Variants in PPP1R17 observed in about 807,000 individuals in gnomAD.
PPP1R17 encodes protein phosphatase 1 regulatory subunit 17.
A neutral mutation model predicts 15.9 loss-of-function variants in PPP1R17; 12 were observed. The observed-to-expected ratio is 0.75, with a 90% CI of 0.48 to 1.22. PPP1R17 has a LOEUF of 1.22. Ranked by LOEUF, PPP1R17 falls within the 50% of genes most tolerant of loss-of-function variation. The pLI, the probability that PPP1R17 is intolerant of heterozygous loss-of-function variation, is 0.00. For synonymous variants in PPP1R17, 63 were observed against 64.5 expected, an observed-to-expected ratio of 0.98 and a Z score of 0.11; for missense variants, 211 against 187.3, an observed-to-expected ratio of 1.13 and a Z score of -0.74.
chr7:31,694,961 C>A (rs1205434538), intron 2 of PPP1R17, among the ~76,000 whole-genome samples: 2 of 152,036 alleles, frequency 1.3e-5, no homozygotes, highest in Non-Finnish European at 2.9e-5. Flanking sequence ...AATACAAAAC[C>A]CAAGGTCTGG....
At chr7:31,690,948 G>A (rs1792317155) in intron 1 of PPP1R17, among the ~76,000 whole-genome samples, 1 of 152,138 alleles carries the variant, frequency 6.6e-6, no homozygotes. Context: ...CTGAAGAGGA[G>A]GAAAATTGGT....
intron 4 of PPP1R17, among the ~76,000 whole-genome samples, chr7:31,705,233 A>T (rs1793016440): frequency 6.6e-6 from 1 of 152,156 alleles, no homozygotes; most frequent in Non-Finnish European, 1.5e-5. Flanking sequence ...AGATTCTCAT[A>T]TGATTAAGTT....
intron 4 of PPP1R17, among the ~76,000 whole-genome samples, chr7:31,704,995 T>A (rs2128248444): frequency 6.6e-6 from 1 of 152,252 alleles, no homozygotes; most frequent in East Asian, 1.9e-4. Context: ...AGCAATGATA[T>A]CCATGAAATC....
intron 3 of PPP1R17, chr7:31,696,047 T>C (rs1460122361): frequency 6.5e-6 from 1 of 153,596 alleles, no homozygotes; most frequent in Non-Finnish European, 1.4e-5. Flanking sequence ...AACCAGGCCT[T>C]CTTCAGTCAC....
intron 3 of PPP1R17, among the ~76,000 whole-genome samples, chr7:31,696,252 G>A (rs979402874): frequency 1.3e-5 from 2 of 152,072 alleles, no homozygotes; most frequent in African/African-American, 4.8e-5. Flanking sequence ...CTAATTTACT[G>A]TCATCTCTGT....
chr7:31,706,920 T>A (rs1793092158), intron 4 of PPP1R17, among the ~76,000 whole-genome samples: 1 of 152,234 alleles, frequency 6.6e-6, no homozygotes, highest in Admixed American at 6.5e-5. Flanking sequence ...CATCCCGCCA[T>A]GCTGCAAGCT....
In PPP1R17 at chr7:31,707,763, CTTT is replaced by C. The variant is rs1793135148; in HGVS notation, c.*482_*484del. The C allele has an allele frequency of 6.4e-6, 1 of 156,804 alleles. No homozygotes were observed. Among genetic ancestry groups the C allele is most frequent in the Non-Finnish European group, 1.4e-5 (1 of 70,800 alleles). The allele number at this position is 156,804 out of a possible 1,614,324, so 9.7% of individuals were successfully genotyped here. ...CACCGATTGCTTTGCAGACAAAGGT[CTTT>C]TATTTCTCCTGTCCTATCTTAAGAG... is the stretch of plus-strand genomic sequence containing the variant. On this transcript the variant is annotated 3_prime_UTR_variant, in exon 5 of 5. Coordinates refer to ENST00000342032, the MANE Select transcript of PPP1R17 (RefSeq NM_006658.5).
chr7:31,695,565 A>G lies in PPP1R17; in HGVS notation c.179A>G (p.Gln60Arg). 6.2e-7 allele frequency: 1 copy of G among 1,609,046 alleles called. No individual in the cohort carries two copies. Among genetic ancestry groups the G allele is most frequent in the Non-Finnish European group, 8.5e-7 (1 of 1,177,544 alleles). Residue 60 changes from glutamine to arginine, a missense_variant, in exon 3 of 5, where the codon CAA becomes CGA. Coordinates refer to ENST00000342032, the MANE Select transcript of PPP1R17 (RefSeq NM_006658.5). ...VQATLNVESD[Q>R]KKPRRKDTPA... ...GCCACCCTGAATGTTGAGTCAGACCAAAAAAAACCAAGGAGGAAAGATACA... is the reference window on the plus strand; with the variant it reads ...GCCACCCTGAATGTTGAGTCAGACCGAAAAAAACCAAGGAGGAAAGATACA...
chr7:31,693,867 T>C (rs548912889), intron 2 of PPP1R17, among the ~76,000 whole-genome samples: 3 of 152,296 alleles, frequency 2.0e-5, no homozygotes, highest in Admixed American at 6.5e-5. Context: ...AGCTAAAATA[T>C]CCAATTACTC....
At chr7:31,703,057 AG>A (rs1792921575) in intron 4 of PPP1R17, among the ~76,000 whole-genome samples, 2 of 152,330 alleles carry the variant, frequency 1.3e-5, no homozygotes, top group Admixed American at 6.5e-5. Flanking sequence ...AAACTGTAAA[AG>A]CTTTCTTCAT....
At chr7:31,703,982 T>A (rs77715022) in intron 4 of PPP1R17, among the ~76,000 whole-genome samples, 4,515 of 152,272 alleles carry the variant, frequency 0.03, 248 homozygotes, top group African/African-American at 0.1. Context: ...AAGCATTGGT[T>A]CTGACTAGTC....
At chr7:31,692,263 C>T in intron 1 of PPP1R17, 143 bp from the exon 2 acceptor site, 6 of 532,232 alleles carry the variant, frequency 1.1e-5, no homozygotes, top group Middle Eastern at 3.2e-4. Context: ...TTCTAATAGC[C>T]AAGTTTAAGA....
intron 4 of PPP1R17, among the ~76,000 whole-genome samples, chr7:31,700,329 C>A (rs1014637716): frequency 1.3e-5 from 2 of 152,164 alleles, no homozygotes; most frequent in South Asian, 4.1e-4. Context: ...CCAGCCATAA[C>A]CCTTCCTTAA....
At chr7:31,694,560 T>G (rs2128240372) in intron 2 of PPP1R17, among the ~76,000 whole-genome samples, 1 of 152,210 alleles carries the variant, frequency 6.6e-6, no homozygotes, top group South Asian at 2.1e-4. Context: ...CCGTTCAACA[T>G]CCATTTATTG....
chr7:31,694,511 A>G lies in PPP1R17; in HGVS notation c.83-958A>G, dbSNP rs1011324138. 2.0e-5 allele frequency among the ~76,000 whole-genome samples: 3 copies of G among 152,182 alleles called. No individual in the cohort carries two copies. The South Asian group carries it at 6.2e-4, about 31-fold the overall frequency. On this transcript the variant is annotated intron_variant, in intron 2 of 4. Coordinates refer to ENST00000342032, the MANE Select transcript of PPP1R17 (RefSeq NM_006658.5). ...GTTCTCAGAACTAGAAAATGATAAG[A>G]GTCCATGTTTGAACTCAGATCAGCT... is the stretch of plus-strand genomic sequence containing the variant.
At chr7:31,691,991 T>A (rs1246019714) in intron 1 of PPP1R17, among the ~76,000 whole-genome samples, 1 of 152,132 alleles carries the variant, frequency 6.6e-6, no homozygotes, top group Non-Finnish European at 1.5e-5. Flanking sequence ...TGAGCCTCTG[T>A]CTCCTCATCT....
chr7:31,693,812 TAAGA>T (rs1792456941), intron 2 of PPP1R17, among the ~76,000 whole-genome samples: 1 of 152,078 alleles, frequency 6.6e-6, no homozygotes, highest in East Asian at 1.9e-4. Context: ...ACTTTTTAAA[TAAGA>T]AAGAGAGAAG....
chr7:31,707,134 G>C, intron 4 of PPP1R17, 70 bp from the exon 5 acceptor site: 2 of 1,424,402 alleles, frequency 1.4e-6, no homozygotes, highest in East Asian at 4.6e-5. Flanking sequence ...TTTGTACTGT[G>C]TCTGTCTGCA....
At chr7:31,692,627 C>T in intron 2 of PPP1R17, 104 bp downstream of exon 2, 1 of 1,056,176 alleles carries the variant, frequency 9.5e-7, no homozygotes, top group Admixed American at 2.0e-5. Flanking sequence ...CCCCCGAAAC[C>T]TGATAGTCTG....
Sources: allele counts gnomAD v4.1 joint callset (sites outside exome capture counted in the v4.1 genomes callset), GRCh38; gene constraint gnomAD v4.1.1; transcripts MANE v1.5; gene names NCBI Gene and HGNC (gene_info 2026-07-23, HGNC 2026-07-21).